The following NDST2 variants were observed in gnomAD, a reference collection of about 807,000 sequenced individuals.
The protein encoded by NDST2 is N-deacetylase and N-sulfotransferase 2.
NDST2 carries 32 observed loss-of-function variants against 86.9 expected under a neutral mutation model. The observed-to-expected ratio is 0.37, with a 90% CI of 0.28 to 0.49. The LOEUF is 0.49. Among genes scored for constraint, NDST2 ranks in the 20% least tolerant of loss-of-function variants. The pLI, the probability that NDST2 is intolerant of heterozygous loss-of-function variation, is 0.97. For missense variants in NDST2, 950 were observed against 1,146.9 expected, an observed-to-expected ratio of 0.83 and a Z score of 2.48; for synonymous variants, 409 against 437.0, an observed-to-expected ratio of 0.94 and a Z score of 0.80.
Position 73,806,230 on chromosome 10 carries a change from A to C in NDST2, c.1434+59T>G, listed in dbSNP as rs1398758263. The C allele has an allele frequency of 1.3e-6, 2 of 1,599,026 alleles. No individual in the cohort carries two copies. Among genetic ancestry groups the C allele is most frequent in the Non-Finnish European group, 1.7e-6 (2 of 1,168,104 alleles). On this transcript the variant is annotated intron_variant, in intron 6 of 14. Coordinates refer to ENST00000309979, the MANE Select transcript of NDST2 (RefSeq NM_003635.4). The surrounding 1 kb of genome is among the most constrained non-coding windows in gnomAD (Gnocchi z 4.5). ...GTTGATAGAGAACATAGGTCAATGC[A>C]TGTTGAAAGCTGTCTAAATGTTAGA...
rs765002150 is a variant in NDST2 at position 73,808,394 on chromosome 10, G to A, written c.-6C>T. Reference sequence around the variant, plus strand: ...ACCTTCCACAACTGGAGCATGGCGGGGGGAGGAAGGGAGGGAGGAATGGGG... The same window carrying A: ...ACCTTCCACAACTGGAGCATGGCGGAGGGAGGAAGGGAGGGAGGAATGGGG... On this transcript the variant is annotated 5_prime_UTR_variant, in exon 3 of 15. Transcript: ENST00000309979. This position sits in a 1 kb window ranked among gnomAD's most constrained non-coding sequence, Gnocchi z 4.3. 3.2e-6 allele frequency: 5 copies of A among 1,582,226 alleles called. No individual in the cohort carries two copies. Among genetic ancestry groups the A allele is most frequent in the Non-Finnish European group, 4.3e-6 (5 of 1,162,830 alleles).
At position 73,807,873 on chromosome 10, in the gene NDST2, G is replaced by A. The variant is rs1272628507; in HGVS notation, c.516C>T (p.Phe172=). 5 of 1,613,938 alleles carry A rather than the reference G, an allele frequency of 3.1e-6. No homozygotes were observed. Among genetic ancestry groups the A allele is most frequent in the Non-Finnish European group, 4.2e-6 (5 of 1,179,908 alleles). The change falls in exon 3 of 15, where the codon TTC becomes TTT. Residue 172 remains phenylalanine, a synonymous_variant. Coordinates refer to ENST00000309979, the MANE Select transcript of NDST2 (RefSeq NM_003635.4). ...TCAGTAGGCTGTGCTCGTGGGCTCG[G>A]AAAAAGCCAATGATGCCCACACCAT... ...VEYGVGIIGF[F]RAHEHSLLSA...
chr10:73,806,392 T>C lies in NDST2; in HGVS notation c.1331A>G (p.Glu444Gly). The change falls in exon 6 of 15, where the codon GAG becomes GGG. Residue 444 changes from glutamate to glycine, a missense_variant. By Grantham distance (98) the Glu-to-Gly change is moderately conservative. Coordinates refer to ENST00000309979, the MANE Select transcript of NDST2 (RefSeq NM_003635.4). This position sits in a 1 kb window ranked among gnomAD's most constrained non-coding sequence, Gnocchi z 4.5. The stretch of plus-strand genomic sequence containing the variant: ...GATGCCCCACACGGATTTCCAGGCC[T>C]CATAGAGCTGCGTGTGGATGGGGTA... ...GVYPIHTQLYEAWKSVWGIQV... is the reference protein window; with the variant it reads ...GVYPIHTQLYGAWKSVWGIQV... The C allele has an allele frequency of 3.1e-6, 5 of 1,614,042 alleles. No individual in the cohort carries two copies. The highest frequency in any genetic ancestry group is 4.2e-6 in the Non-Finnish European group (5 of 1,179,966).
rs2084000476 is a variant in NDST2, at chr10:73,802,382, G to A, written c.*69C>T. On this transcript the variant is annotated 3_prime_UTR_variant, in exon 15 of 15. Transcript: ENST00000309979. ...GGGCCAGGCCACTCTAATCCCCCTT[G>A]TGGGCCCTGCTCTGGACCTGCCCCT... is the stretch of plus-strand genomic sequence containing the variant. The A allele has an allele frequency of 3.1e-6, 5 of 1,592,530 alleles. No individual in the cohort carries two copies. Among genetic ancestry groups the A allele is most frequent in the Non-Finnish European group, 4.3e-6 (5 of 1,166,846 alleles).
chr10:73,804,153 G>A, intron 9 of NDST2, 137 bp from the exon 10 acceptor site: 1 of 968,114 alleles, frequency 1.0e-6, no homozygotes, highest in Non-Finnish European at 1.5e-6. Flanking sequence ...AATGATAGGA[G>A]GCAAGTCTGA....
At chr10:73,803,530 C>G (rs1170576300) in intron 11 of NDST2, 44 bp downstream of exon 11, 17 of 753,442 alleles carry the variant, frequency 2.3e-5, no homozygotes, top group Non-Finnish European at 3.6e-5. Context: ...CCCCTCCCCC[C>G]TCCCCCCAAC....
rs2083993599 is a variant in NDST2, at chr10:73,802,157, A to T, written c.*294T>A. The T allele has an allele frequency of 2.0e-6, 1 of 501,872 alleles. No individual in the cohort carries two copies. Among genetic ancestry groups the T allele is most frequent in the Non-Finnish European group, 3.6e-6 (1 of 279,776 alleles). 31.1% of individuals were successfully genotyped at this position (501,872 alleles called of 1,614,324 possible). A position where few individuals can be genotyped will look rare whatever the true frequency, so the allele number is the denominator to read the frequency against. ...TGCTGCGGATGAAGAGGGAAATCTC[A>T]TTGGACTAATACATTCCCCTACACC... is the stretch of plus-strand genomic sequence containing the variant. On this transcript the variant is annotated 3_prime_UTR_variant, in exon 15 of 15. Transcript: ENST00000309979.
At chr10:73,803,801 G>A in intron 10 of NDST2, 53 bp from the exon 11 acceptor site, 3 of 1,612,816 alleles carry the variant, frequency 1.9e-6, no homozygotes, top group African/African-American at 2.7e-5. Flanking sequence ...GAGTGAAGTG[G>A]CCAGAAGTCT....
Position 73,807,425 on chromosome 10 carries a change from C to G in NDST2, c.964G>C (p.Val322Leu), listed in dbSNP as rs1200314205. The G allele has an allele frequency of 1.9e-6, 3 of 1,614,100 alleles. No individual in the cohort carries two copies. In the African/African-American group the frequency reaches 4.0e-5, roughly 22 times the overall value. ...YILVDIDDIF[V>L]GKEGTRMKVA... The stretch of plus-strand genomic sequence containing the variant: ...TTCATGCGGGTCCCTTCCTTGCCCA[C>G]AAAGATGTCATCGATGTCTACCAAG... The change falls in exon 3 of 15, where the codon GTG becomes CTG. Residue 322 changes from valine (V) to leucine (L), a missense_variant. By Grantham distance (32) the Val-to-Leu change is conservative. Coordinates refer to ENST00000309979, the MANE Select transcript of NDST2 (RefSeq NM_003635.4).
chr10:73,802,455 C>T lies in NDST2; in HGVS notation c.2648G>A (p.Gly883Asp). Residue 883 changes from glycine (G) to aspartate (D), a missense_variant, in exon 15 of 15, where the codon GGC becomes GAC. Gly to Asp is a moderately conservative substitution (Grantham distance 94). This residue lies in a region of NDST2 where 303 missense variants were observed against 323.7 expected (regional missense o/e 0.94). Transcript: ENST00000309979. Reference protein sequence around the residue: ...LREELQHSSLG With the variant: ...LREELQHSSLD ...CTGGTATGGGAGGCTGGGACATCAG[C>T]CCAGACTGGAATGCTGCAGTTCTTC... 6.2e-7 allele frequency: 1 copy of T among 1,612,686 alleles called. No homozygotes were observed. The highest frequency in any genetic ancestry group is 8.5e-7 in the Non-Finnish European group (1 of 1,180,016).
In NDST2 at chr10:73,805,697, C is replaced by A; in HGVS notation, c.1636G>T (p.Val546Leu). 6.2e-7 allele frequency: 1 copy of A among 1,614,166 alleles called. No individual in the cohort carries two copies. Among genetic ancestry groups the A allele is most frequent in the Non-Finnish European group, 8.5e-7 (1 of 1,180,034 alleles). ...RLGLYTFESLVRFLQCWTRLR... is the reference protein window; with the variant it reads ...RLGLYTFESLLRFLQCWTRLR... ...CGTGTCCAACACTGGAGGAAGCGCA[C>A]CAAGCTCTCAAAGGTGTATAGGCCC... Residue 546 changes from valine (V) to leucine (L), a missense_variant, in exon 8 of 15, where the codon GTG (valine) becomes TTG (leucine). By Grantham distance (32) the Val-to-Leu change is conservative. Transcript: ENST00000309979.
intron 2 of NDST2, among the ~76,000 whole-genome samples, chr10:73,809,866 G>A (rs1200676082): frequency 6.6e-6 from 1 of 152,094 alleles, no homozygotes; most frequent in Non-Finnish European, 1.5e-5. Flanking sequence ...CCATGTAGCT[G>A]GGACTACAGC....
In NDST2 at chr10:73,802,763, TATC is replaced by T. The variant is rs770301746; in HGVS notation, c.2434_2436del (p.Asp812del). 8.0e-5 allele frequency: 129 copies of T among 1,614,052 alleles called. 1 individual carries two copies. In the East Asian group the frequency reaches 8.9e-4, roughly 11 times the overall value. ...TCAAGTCCCTGGCACCAAAATCCCT[TATC>T]ATCATCAAACCTGCTCAACAGGAAG... On this transcript the variant is annotated inframe_deletion, in exon 14 of 15. Transcript: ENST00000309979.
Position 73,808,304 on chromosome 10 carries a change from C to T in NDST2, c.85G>A (p.Gly29Ser), listed in dbSNP as rs1337936119. The T allele has an allele frequency of 2.5e-6, 4 of 1,595,150 alleles. No individual in the cohort carries two copies. The highest frequency in any genetic ancestry group is 3.4e-6 in the Non-Finnish European group (4 of 1,171,160). The change falls in exon 3 of 15, where the codon GGC (glycine) becomes AGC (serine). Residue 29 changes from glycine (G) to serine (S), a missense_variant. By Grantham distance (56) the Gly-to-Ser change is moderately conservative (BLOSUM62 0). This residue lies in a region of NDST2 where 38 missense variants were observed against 42.5 expected (regional missense o/e 0.89). Transcript: ENST00000309979. This position sits in a 1 kb window ranked among gnomAD's most constrained non-coding sequence, Gnocchi z 4.3. The part of the protein sequence containing the change: ...LILLLIAFSL[G>S]SMGFLAYYVS... ...TAATAAGCCAGGAAGCCCATGGAGC[C>T]CAGGCTGAAAGCGATCAGCAGCAGT...
intron 11 of NDST2, 50 bp downstream of exon 11, chr10:73,803,522 CCT>C: frequency 3.9e-6 from 2 of 510,912 alleles, no homozygotes; most frequent in South Asian, 3.1e-5. Context: ...GTCACTGTCC[CCT>C]CCCCCCTCCC....
At chr10:73,804,500 G>T (rs963427683) in intron 9 of NDST2, among the ~76,000 whole-genome samples, 4 of 152,054 alleles carry the variant, frequency 2.6e-5, no homozygotes, top group Non-Finnish European at 5.9e-5. Context: ...AATTAGCCAG[G>T]TGTGGTGGCA....
rs2084069975 is a variant in NDST2 at position 73,804,819 on chromosome 10, G to A, written c.1797C>T (p.Thr599=). 4 of 1,613,380 alleles carry A rather than the reference G, an allele frequency of 2.5e-6. No homozygotes were observed. The highest frequency in any genetic ancestry group is 4.5e-5 in the East Asian group (2 of 44,842). Residue 599 remains threonine, a synonymous_variant, in exon 9 of 15, where the codon ACC becomes ACT. Transcript: ENST00000309979. The stretch of plus-strand genomic sequence containing the variant: ...TGAGGAACTTCGGGAGACGATCACA[G>A]GTTTTCTCCTTGGACCAGATATCTT... ...RHKDIWSKEK[T]CDRLPKFLIV...
Position 73,802,412 on chromosome 10 carries a change from G to A in NDST2, c.*39C>T, listed in dbSNP as rs746907423. 2.0e-5 allele frequency: 33 copies of A among 1,610,856 alleles called. No homozygotes were observed. The highest frequency in any genetic ancestry group is 1.7e-6 in the Non-Finnish European group (2 of 1,179,548). On this transcript the variant is annotated 3_prime_UTR_variant, in exon 15 of 15. Transcript: ENST00000309979. ...CCCTGCTCTGGACCTGCCCCTTAGG[G>A]AAGCAGGGGGCATTTTGCTGGTATG...
At position 73,807,440 on chromosome 10, in the gene NDST2, T is replaced by C. The variant is rs762498725; in HGVS notation, c.949A>G (p.Ile317Val). Residue 317 changes from isoleucine to valine, a missense_variant, in exon 3 of 15, where the codon ATC (isoleucine) becomes GTC (valine). Physicochemically the swap from Ile to Val is conservative, Grantham distance 29. This residue lies in a region of NDST2 where 586 missense variants were observed against 714.0 expected (regional missense o/e 0.82). Coordinates refer to ENST00000309979, the MANE Select transcript of NDST2 (RefSeq NM_003635.4). The part of the protein sequence containing the change: ...LDLDRYILVD[I>V]DDIFVGKEGT... ...TCCTTGCCCACAAAGATGTCATCGA[T>C]GTCTACCAAGATGTAGCGGTCAAGG... is the stretch of plus-strand genomic sequence containing the variant. 1.9e-5 allele frequency: 30 copies of C among 1,614,214 alleles called. No homozygotes were observed. Among genetic ancestry groups the C allele is most frequent in the Middle Eastern group, 1.6e-4 (1 of 6,062 alleles).
Sources: gnomAD v4.1 joint callset for allele counts (sites outside exome capture counted in the v4.1 genomes callset) on GRCh38, gnomAD v4.1.1 for gene constraint, gnomAD v4.1.1 regional missense constraint, Gnocchi (gnomAD v3.1) non-coding constraint, MANE v1.5 for transcripts, NCBI Gene and HGNC (gene_info 2026-07-23, HGNC 2026-07-21) for gene names.